UBASH3B: variants seen among roughly 807,000 people sequenced by gnomAD.
UBASH3B encodes the protein ubiquitin-associated and SH3 domain-containing protein B.
Under a neutral mutation model 83.4 loss-of-function variants are expected in UBASH3B, and 37 were observed. The observed-to-expected ratio is 0.44, with a 90% CI of 0.34 to 0.58. UBASH3B has a LOEUF of 0.58. Ranked by LOEUF, UBASH3B falls within the 20% of genes least tolerant of loss-of-function variation. The pLI is 0.01. For missense variants in UBASH3B, 657 were observed against 827.2 expected (o/e 0.79, Z 2.52); for synonymous variants, 304 against 318.3 (o/e 0.96, Z 0.48).
chr11:122,804,401 G>A (rs12576789), intron 11 of UBASH3B, among the ~76,000 whole-genome samples: 16,496 of 152,128 alleles, frequency 0.11, 1,110 homozygotes, highest in Admixed American at 0.23. Flanking sequence ...CAAGTGGAAC[G>A]GCATCCTTCC....
At chr11:122,667,621 A>T (rs192226037) in intron 1 of UBASH3B, among the ~76,000 whole-genome samples, 1 of 152,310 alleles carries the variant, frequency 6.6e-6, no homozygotes, top group African/African-American at 2.4e-5. Flanking sequence ...CATCTGAAGC[A>T]CCAATAAGAC....
intron 1 of UBASH3B, among the ~76,000 whole-genome samples, chr11:122,740,676 C>G (rs761639979): frequency 6.6e-6 from 1 of 152,096 alleles, no homozygotes. Flanking sequence ...TCTGTACTTG[C>G]AAGCGACCCT....
rs546553997 is a variant in UBASH3B at position 122,779,545 on chromosome 11, G to A, written c.451G>A (p.Val151Ile). Reference protein sequence around the residue: ...DALGEALQTTVSRWKCKFSAP... With the variant: ...DALGEALQTTISRWKCKFSAP... ...CCTGGGGGAAGCCCTGCAGACCACG[G>A]TCAGTCGCTGGAAATGTAAGTTCTC... The change falls in exon 4 of 14, where the codon GTC becomes ATC. Residue 151 changes from valine (V) to isoleucine (I), a missense_variant. Val to Ile is a conservative substitution (Grantham distance 29). This residue lies in a region of UBASH3B where 573 missense variants were observed against 739.0 expected (regional missense o/e 0.78). Coordinates refer to ENST00000284273, the MANE Select transcript of UBASH3B (RefSeq NM_032873.5). 6.2e-6 allele frequency: 10 copies of A among 1,614,140 alleles called. No individual in the cohort carries two copies. Among genetic ancestry groups the A allele is most frequent in the Middle Eastern group, 1.7e-4 (1 of 6,050 alleles).
intron 1 of UBASH3B, among the ~76,000 whole-genome samples, chr11:122,667,585 T>C (rs1024721688): frequency 6.6e-6 from 1 of 152,074 alleles, no homozygotes; most frequent in African/African-American, 2.4e-5. Context: ...GTGAGGGTCA[T>C]AAACCAGACA....
chr11:122,758,809 A>G lies in UBASH3B; in HGVS notation c.162-17410A>G, dbSNP rs965773262. On this transcript the variant is annotated intron_variant, in intron 1 of 13. Transcript: ENST00000284273. This position sits in a 1 kb window ranked among gnomAD's most constrained non-coding sequence, Gnocchi z 4.2. ...CAATGAATTCAGATCAGCAATTTCCACTGGTTATGGGATTGGGATCTTCCA... is the reference window on the plus strand; with the variant it reads ...CAATGAATTCAGATCAGCAATTTCCGCTGGTTATGGGATTGGGATCTTCCA... Among the ~76,000 whole-genome samples the G allele has an allele frequency of 6.6e-6, 1 of 152,216 alleles. No individual in the cohort carries two copies. The highest frequency in any genetic ancestry group is 1.5e-5 in the Non-Finnish European group (1 of 68,034).
chr11:122,813,113 A>G lies in UBASH3B; in HGVS notation c.*3227A>G, dbSNP rs1260634533. ...GATGATTTTGCAAAAAATAAAAAAT[A>G]AAAAATATGCCTTCTGGAGTGATGT... is the stretch of plus-strand genomic sequence containing the variant. On this transcript the variant is annotated 3_prime_UTR_variant, in exon 14 of 14. Transcript: ENST00000284273. 6 of 152,568 alleles carry G rather than the reference A, an allele frequency of 3.9e-5. No individual in the cohort carries two copies. The highest frequency in any genetic ancestry group is 4.4e-5 in the Non-Finnish European group (3 of 68,050). 9.5% of individuals were successfully genotyped at this position (152,568 alleles called of 1,614,324 possible).
intron 1 of UBASH3B, among the ~76,000 whole-genome samples, chr11:122,720,259 A>C (rs1285849620): frequency 6.6e-6 from 1 of 152,118 alleles, no homozygotes; most frequent in African/African-American, 2.4e-5. Flanking sequence ...TTTCTTCCAG[A>C]TGTTCATTCT....
intron 1 of UBASH3B, among the ~76,000 whole-genome samples, chr11:122,757,629 G>A (rs888604427): frequency 3.3e-5 from 5 of 151,588 alleles, no homozygotes; most frequent in Non-Finnish European, 7.4e-5. Context: ...CCCTCCTAAG[G>A]CATTGAGGGA....
chr11:122,763,675 A>G (rs1860484136), intron 1 of UBASH3B, among the ~76,000 whole-genome samples: 1 of 152,186 alleles, frequency 6.6e-6, no homozygotes, highest in South Asian at 2.1e-4. Context: ...CACACTGGAC[A>G]ACAGCTGAAA....
chr11:122,801,049 T>G, intron 10 of UBASH3B, 139 bp from the exon 11 acceptor site: 1 of 1,058,964 alleles, frequency 9.4e-7, no homozygotes, highest in Non-Finnish European at 1.3e-6. Context: ...CTTGTCCAAA[T>G]CCACATGCTT....
intron 9 of UBASH3B, 135 bp downstream of exon 9, chr11:122,797,168 T>A: frequency 8.0e-7 from 1 of 1,246,878 alleles, no homozygotes; most frequent in Non-Finnish European, 1.1e-6. Flanking sequence ...AAAAGGAACT[T>A]ACTACACAAC....
chr11:122,809,613 A>G, intron 13 of UBASH3B, 136 bp from the exon 14 acceptor site: 1 of 811,620 alleles, frequency 1.2e-6, no homozygotes, highest in Non-Finnish European at 1.9e-6. Context: ...TTTTGAAGGG[A>G]ATGCATTTCT....
intron 1 of UBASH3B, among the ~76,000 whole-genome samples, chr11:122,767,590 C>T (rs542099651): frequency 1.4e-4 from 21 of 152,294 alleles, no homozygotes; most frequent in Admixed American, 3.3e-4. Flanking sequence ...GGATTACAGG[C>T]GTGAGCCACC....
intron 10 of UBASH3B, among the ~76,000 whole-genome samples, 182 bp from the exon 11 acceptor site, chr11:122,801,006 C>T (rs769030722): frequency 2.5e-4 from 38 of 152,154 alleles, no homozygotes; most frequent in Non-Finnish European, 4.3e-4. Flanking sequence ...GAGTATTAAA[C>T]TCATGTATTA....
chr11:122,781,647 C>T (rs1346978889), intron 4 of UBASH3B, among the ~76,000 whole-genome samples: 2 of 152,206 alleles, frequency 1.3e-5, no homozygotes, highest in Non-Finnish European at 2.9e-5. Context: ...TAGCTGGTCC[C>T]GCTCCTTATT....
chr11:122,805,369 A>C (rs941524422), intron 11 of UBASH3B, among the ~76,000 whole-genome samples: 2 of 152,126 alleles, frequency 1.3e-5, no homozygotes, highest in African/African-American at 2.4e-5. Context: ...GTCTCTACTA[A>C]AAACAATACA....
At chr11:122,808,886 A>G (rs1861388208) in intron 13 of UBASH3B, among the ~76,000 whole-genome samples, 1 of 152,098 alleles carries the variant, frequency 6.6e-6, no homozygotes, top group Admixed American at 6.5e-5. Flanking sequence ...AGCTCTGGAC[A>G]CAGACAAAAA....
At chr11:122,669,690 C>T (rs1487515289) in intron 1 of UBASH3B, among the ~76,000 whole-genome samples, 3 of 152,220 alleles carry the variant, frequency 2.0e-5, no homozygotes, top group Non-Finnish European at 4.4e-5. Flanking sequence ...TGGGTACCTA[C>T]AGTGTGCCAG....
intron 1 of UBASH3B, among the ~76,000 whole-genome samples, chr11:122,716,290 A>G (rs775565888): frequency 2.6e-5 from 4 of 152,206 alleles, no homozygotes; most frequent in Non-Finnish European, 5.9e-5. Flanking sequence ...CTTCTGCCTC[A>G]ACCTCCCAGC....
Sources: allele counts gnomAD v4.1 joint callset (sites outside exome capture counted in the v4.1 genomes callset), GRCh38; gene constraint gnomAD v4.1.1; regional missense constraint gnomAD v4.1.1; non-coding constraint Gnocchi (gnomAD v3.1); transcripts MANE v1.5; gene names NCBI Gene and HGNC (gene_info 2026-07-23, HGNC 2026-07-21).